Variants in CXCR5 observed in about 807,000 individuals in gnomAD.
CXCR5 encodes C-X-C motif chemokine receptor 5, also known as C-X-C chemokine receptor type 5.
A neutral mutation model predicts 5.6 loss-of-function variants in CXCR5; 3 were observed. That is an observed-to-expected ratio of 0.54 (90% CI 0.24 to 1.39). CXCR5 has a LOEUF of 1.39. Among genes scored for constraint, CXCR5 ranks in the 40% most tolerant of loss-of-function variants. CXCR5 has a pLI of 0.16. For missense variants in CXCR5, 333 were observed against 494.6 expected, an observed-to-expected ratio of 0.67 and a Z score of 3.10; for synonymous variants, 218 against 219.9, an observed-to-expected ratio of 0.99 and a Z score of 0.08.
intron 1 of CXCR5, chr11:118,885,890 A>G (rs1032122363): frequency 3.8e-5 from 6 of 158,672 alleles, no homozygotes; most frequent in African/African-American, 1.2e-4. Flanking sequence ...CCAGGAGCCC[A>G]GGAGTCCTAG....
chr11:118,886,760 G>A (rs1217740222), intron 1 of CXCR5: 1 of 206,630 alleles, frequency 4.8e-6, no homozygotes, highest in East Asian at 1.4e-4. Context: ...CACCAGCCGG[G>A]AGGGGAAGCT....
chr11:118,894,180 G>A lies in CXCR5; in HGVS notation c.636G>A (p.Thr212=), dbSNP rs368902812. 18 of 1,613,902 alleles carry A rather than the reference G, an allele frequency of 1.1e-5. No individual in the cohort carries two copies. The highest frequency in any genetic ancestry group is 5.3e-5 in the African/African-American group (4 of 74,888). Residue 212 remains threonine, a synonymous_variant, in exon 2 of 2, where the codon ACG becomes ACA. Coordinates refer to ENST00000292174, the MANE Select transcript of CXCR5 (RefSeq NM_001716.5). This position sits in a 1 kb window ranked among gnomAD's most constrained non-coding sequence, Gnocchi z 6.1. The stretch of plus-strand genomic sequence containing the variant: ...TCTCCCAAGAGAACCAAGCAGAAAC[G>A]CATGCCTGGTTCACCTCCCGATTCC... ...CTFSQENQAE[T]HAWFTSRFLY...
intron 1 of CXCR5, 127 bp downstream of exon 1, chr11:118,884,119 C>A: frequency 2.2e-6 from 2 of 903,086 alleles, no homozygotes; most frequent in Non-Finnish European, 3.6e-6. Flanking sequence ...AAAATCTAGA[C>A]AGGTCAGTCA....
chr11:118,885,328 T>C (rs1456722262), intron 1 of CXCR5, among the ~76,000 whole-genome samples: 1 of 152,284 alleles, frequency 6.6e-6, no homozygotes, highest in Non-Finnish European at 1.5e-5. Flanking sequence ...ATGGGGCCCC[T>C]TGTTGAAAAA....
Position 118,883,940 on chromosome 11 carries a change from C to T in CXCR5, c.-2C>T, listed in dbSNP as rs10892307. 1 of 1,609,736 alleles carries T rather than the reference C, an allele frequency of 6.2e-7. No individual in the cohort carries two copies. On this transcript the variant is annotated 5_prime_UTR_variant, in exon 1 of 2. Transcript: ENST00000292174. Reference sequence around the variant, plus strand: ...GTCTGGTGACTCACAGCCGGCACAGCCATGAACTACCCGCTAACGCTGGAA... The same window carrying T: ...GTCTGGTGACTCACAGCCGGCACAGTCATGAACTACCCGCTAACGCTGGAA...
chr11:118,884,048 C>A, intron 1 of CXCR5, 56 bp downstream of exon 1: 1 of 1,561,286 alleles, frequency 6.4e-7, no homozygotes, highest in Non-Finnish European at 8.8e-7. Context: ...ATTCTAACAT[C>A]CTTTGCCAGA....
At position 118,887,245 on chromosome 11, in the gene CXCR5, A is replaced by C. The variant is rs1050044121; in HGVS notation, c.51+3253A>C. On this transcript the variant is annotated intron_variant, in intron 1 of 1. Transcript: ENST00000292174. Reference sequence around the variant, plus strand: ...GCAGAACGGCAGAAACAGTGGCCGCATATGTGGACCTAAGAATCAGGACAC... The same window carrying C: ...GCAGAACGGCAGAAACAGTGGCCGCCTATGTGGACCTAAGAATCAGGACAC... The C allele has an allele frequency of 7.1e-6, 7 of 985,342 alleles. No individual in the cohort carries two copies. The African/African-American group carries it at 1.2e-4, about 17-fold the overall frequency. 61.0% of individuals were successfully genotyped at this position (985,342 alleles called of 1,614,324 possible). A position where few individuals can be genotyped will look rare whatever the true frequency, so the allele number is the denominator to read the frequency against.
At chr11:118,885,981 C>T (rs982028982) in intron 1 of CXCR5, 2 of 215,670 alleles carry the variant, frequency 9.3e-6, no homozygotes, top group African/African-American at 4.8e-5. Context: ...ACCCTGTCTC[C>T]AGGGCCAATG....
At chr11:118,884,102 G>T in intron 1 of CXCR5, 110 bp downstream of exon 1, 1 of 1,111,758 alleles carries the variant, frequency 9.0e-7, no homozygotes, top group Non-Finnish European at 1.3e-6. Context: ...TCCCACTGTG[G>T]ATCTGTAAAA....
rs1392521439 is a variant in CXCR5, at chr11:118,883,974, C to T, written c.33C>T (p.Leu11=). ...ACCCGCTAACGCTGGAAATGGACCT[C>T]GAGAACCTGGAGGACCTGGTGAGTA... The part of the protein sequence containing the change: MNYPLTLEMD[L]ENLEDLFWEL... Residue 11 remains leucine (L), a synonymous_variant, in exon 1 of 2, where the codon CTC becomes CTT. Coordinates refer to ENST00000292174, the MANE Select transcript of CXCR5 (RefSeq NM_001716.5). The T allele has an allele frequency of 6.8e-6, 11 of 1,612,786 alleles. No homozygotes were observed. The highest frequency in any genetic ancestry group is 9.3e-6 in the Non-Finnish European group (11 of 1,179,328).
At position 118,897,568 on chromosome 11, in the gene CXCR5, T is replaced by C. The variant is rs967385137; in HGVS notation, c.*2905T>C. 5.7e-6 allele frequency: 2 copies of C among 351,052 alleles called. No homozygotes were observed. Among genetic ancestry groups the C allele is most frequent in the African/African-American group, 2.2e-5 (1 of 46,304 alleles). The allele number at this position is 351,052 out of a possible 1,614,324, so 21.7% of individuals were successfully genotyped here. A position where few individuals can be genotyped will look rare whatever the true frequency, so the allele number is the denominator to read the frequency against. On this transcript the variant is annotated 3_prime_UTR_variant, in exon 2 of 2. Coordinates refer to ENST00000292174, the MANE Select transcript of CXCR5 (RefSeq NM_001716.5). ...AGGGCTCACCAGGTGGAAGCCTAGG[T>C]GGTCTGACCTCAGTTTAGGAGTGGG...
In CXCR5 at chr11:118,894,483, C is replaced by T. The variant is rs745360877; in HGVS notation, c.939C>T (p.Ala313=). 10 of 1,610,470 alleles carry T rather than the reference C, an allele frequency of 6.2e-6. No homozygotes were observed. The highest frequency in any genetic ancestry group is 8.5e-6 in the Non-Finnish European group (10 of 1,177,746). The change falls in exon 2 of 2, where the codon GCC becomes GCT. Residue 313 remains alanine (A), a synonymous_variant. Transcript: ENST00000292174. This position sits in a 1 kb window ranked among gnomAD's most constrained non-coding sequence, Gnocchi z 6.1. ...CCATGTGTGAGTTCCTGGGCCTGGC[C>T]CACTGCTGCCTCAACCCCATGCTCT... is the stretch of plus-strand genomic sequence containing the variant. ...AITMCEFLGL[A]HCCLNPMLYT...
chr11:118,887,353 G>A, intron 1 of CXCR5: 1 of 985,412 alleles, frequency 1.0e-6, no homozygotes, highest in Non-Finnish European at 1.2e-6. Context: ...ACACACACCT[G>A]GGAGGCCTGT....
intron 1 of CXCR5, among the ~76,000 whole-genome samples, chr11:118,890,571 G>A (rs766002735): frequency 6.6e-6 from 1 of 152,072 alleles, no homozygotes; most frequent in Non-Finnish European, 1.5e-5. Flanking sequence ...GAGGTTTGGA[G>A]ACAGGAATGT....
rs374316792 is a variant in CXCR5 at position 118,893,553 on chromosome 11, C to T, written c.52-43C>T. ...TAGGGTTCCTCTCAGAGAGGAAAGA[C>T]AGGTCCTTAGGTCCTCACCCTCCCG... On this transcript the variant is annotated intron_variant, in intron 1 of 1. Coordinates refer to ENST00000292174, the MANE Select transcript of CXCR5 (RefSeq NM_001716.5). This position sits in a 1 kb window ranked among gnomAD's most constrained non-coding sequence, Gnocchi z 5.7. 6.6e-5 allele frequency: 101 copies of T among 1,520,856 alleles called. No homozygotes were observed. In the African/African-American group the frequency reaches 1.1e-3, roughly 17 times the overall value. 94.2% of individuals were successfully genotyped at this position (1,520,856 alleles called of 1,614,324 possible).
chr11:118,888,609 C>G (rs1294725058), intron 1 of CXCR5, among the ~76,000 whole-genome samples: 1 of 152,210 alleles, frequency 6.6e-6, no homozygotes, highest in Non-Finnish European at 1.5e-5. Context: ...ACTCCCGTGA[C>G]TCATCTTAAG....
intron 1 of CXCR5, chr11:118,886,690 G>A (rs1939719656): frequency 3.6e-6 from 1 of 280,958 alleles, no homozygotes; most frequent in African/African-American, 2.3e-5. Context: ...CAGAACCAGG[G>A]CCTGGGCTGG....
In CXCR5 at chr11:118,885,944, C is replaced by T. The variant is rs534687521; in HGVS notation, c.51+1952C>T. On this transcript the variant is annotated intron_variant, in intron 1 of 1. Coordinates refer to ENST00000292174, the MANE Select transcript of CXCR5 (RefSeq NM_001716.5). ...GCTCTTCAGCCAGCCACCAGTGCCT[C>T]GTTCCCCCTTCACGAATCTCCTACA... 4.9e-5 allele frequency: 9 copies of T among 181,840 alleles called. No individual in the cohort carries two copies. In the Middle Eastern group the frequency reaches 8.3e-3, roughly 167 times the overall value. The allele number at this position is 181,840 out of a possible 1,614,324, so 11.3% of individuals were successfully genotyped here. A position where few individuals can be genotyped will look rare whatever the true frequency, so the allele number is the denominator to read the frequency against.
intron 1 of CXCR5, among the ~76,000 whole-genome samples, chr11:118,885,089 T>C (rs1939689947): frequency 1.3e-5 from 2 of 152,136 alleles, no homozygotes; most frequent in South Asian, 4.1e-4. Flanking sequence ...GAGTGGACTT[T>C]GTAGTTCCAC....
Sources: allele counts gnomAD v4.1 joint callset (sites outside exome capture counted in the v4.1 genomes callset), GRCh38; gene constraint gnomAD v4.1.1; non-coding constraint Gnocchi (gnomAD v3.1); transcripts MANE v1.5; gene names NCBI Gene and HGNC (gene_info 2026-07-23, HGNC 2026-07-21).